Variants in PTPRN2 observed in about 807,000 individuals in gnomAD.
The protein encoded by PTPRN2 is receptor-type tyrosine-protein phosphatase N2.
In PTPRN2, 74 loss-of-function variants were observed where a neutral mutation model predicts 118.8. The observed-to-expected ratio is 0.62, with a 90% confidence interval of 0.52 to 0.76. The LOEUF is 0.76. Among genes scored for constraint, PTPRN2 ranks in the 30% least tolerant of loss-of-function variants. The pLI is 0.00. For missense variants in PTPRN2, 1,481 were observed against 1,394.4 expected, an observed-to-expected ratio of 1.06 and a Z score of -0.99; for synonymous variants, 641 against 608.0, an observed-to-expected ratio of 1.05 and a Z score of -0.80.
intron 11 of PTPRN2, among the ~76,000 whole-genome samples, chr7:157,907,207 G>A (rs552933429): frequency 5.9e-5 from 9 of 152,326 alleles, no homozygotes; most frequent in African/African-American, 1.7e-4. Context: ...GGGTGAGAAC[G>A]TGGGCTCGGA....
intron 5 of PTPRN2, among the ~76,000 whole-genome samples, chr7:158,186,846 C>G (rs562695671): frequency 3.9e-5 from 6 of 152,368 alleles, no homozygotes; most frequent in Admixed American, 1.3e-4. Flanking sequence ...TCCTAAAGGA[C>G]AGAAACTAAC....
intron 2 of PTPRN2, among the ~76,000 whole-genome samples, chr7:158,354,009 G>A (rs1007174143): frequency 6.6e-6 from 1 of 152,278 alleles, no homozygotes; most frequent in East Asian, 1.9e-4. Context: ...GTGGCCACTC[G>A]CAGCCCCACG....
intron 3 of PTPRN2, among the ~76,000 whole-genome samples, chr7:158,262,908 TCACACTGCACACACATTCA>T (rs1438761222): frequency 8.1e-6 from 1 of 123,610 alleles, no homozygotes; most frequent in Non-Finnish European, 1.7e-5. Flanking sequence ...CTGCAAACAT[TCACACTGCACACACATTCA>T]CACACTGCAC....
chr7:158,572,544 G>C (rs1323254579), intron 1 of PTPRN2, among the ~76,000 whole-genome samples: 2 of 152,136 alleles, frequency 1.3e-5, no homozygotes, highest in African/African-American at 4.8e-5. Context: ...GCATACCAGG[G>C]ACCTCTGCCC....
chr7:158,133,907 G>T lies in PTPRN2; in HGVS notation c.1326C>A (p.Ala442=). 2 of 1,613,906 alleles carry T rather than the reference G, an allele frequency of 1.2e-6. No homozygotes were observed. The highest frequency in any genetic ancestry group is 1.7e-6 in the Non-Finnish European group (2 of 1,180,036). Residue 442 remains alanine (A), a synonymous_variant, in exon 9 of 23, where the codon GCC becomes GCA. Transcript: ENST00000389418. ...ESSLSSEEET[A]GVENVKSQTY... ...TCTGGCTCTTGACGTTCTCCACTCCGGCAGTCTCCTCTTCTGAAGACAGGG... is the reference window on the plus strand; with the variant it reads ...TCTGGCTCTTGACGTTCTCCACTCCTGCAGTCTCCTCTTCTGAAGACAGGG...
intron 14 of PTPRN2, among the ~76,000 whole-genome samples, chr7:157,631,470 G>A (rs566631366): frequency 5.9e-5 from 9 of 152,272 alleles, no homozygotes; most frequent in Non-Finnish European, 1.3e-4. Flanking sequence ...AGGCTGAGGC[G>A]GGCGGATCAC....
intron 12 of PTPRN2, among the ~76,000 whole-genome samples, chr7:157,695,472 A>C (rs966907210): frequency 6.6e-6 from 1 of 152,116 alleles, no homozygotes; most frequent in Admixed American, 6.5e-5. Flanking sequence ...ATAATATAAA[A>C]ATAAAAATAG....
At chr7:158,018,447 C>T (rs1397601303) in intron 11 of PTPRN2, among the ~76,000 whole-genome samples, 1 of 152,208 alleles carries the variant, frequency 6.6e-6, no homozygotes, top group Non-Finnish European at 1.5e-5. Flanking sequence ...GAAGCTGGAT[C>T]TGCCTGGAAA....
At chr7:157,728,763 T>A (rs1799735039) in intron 12 of PTPRN2, among the ~76,000 whole-genome samples, 1 of 152,242 alleles carries the variant, frequency 6.6e-6, no homozygotes. Flanking sequence ...TTTACCTGCT[T>A]CTTATATGAG....
At chr7:158,556,156 G>C (rs1329364876) in intron 1 of PTPRN2, among the ~76,000 whole-genome samples, 1 of 152,234 alleles carries the variant, frequency 6.6e-6, no homozygotes, top group Admixed American at 6.5e-5. Context: ...ATAGAGGATA[G>C]ATATAGATGG....
chr7:158,018,908 C>T (rs532124735), intron 11 of PTPRN2, among the ~76,000 whole-genome samples: 9 of 140,282 alleles, frequency 6.4e-5, no homozygotes, highest in South Asian at 2.2e-4. Flanking sequence ...TGCAGTGAGC[C>T]GAGATCATGC....
intron 3 of PTPRN2, among the ~76,000 whole-genome samples, chr7:158,250,516 T>G (rs565869306): frequency 1.3e-5 from 2 of 152,146 alleles, no homozygotes; most frequent in East Asian, 1.9e-4. Flanking sequence ...TCTGCATACA[T>G]GTACACACCC....
At chr7:157,673,307 C>T (rs931877251) in intron 13 of PTPRN2, among the ~76,000 whole-genome samples, 5 of 152,172 alleles carry the variant, frequency 3.3e-5, no homozygotes, top group Admixed American at 3.3e-4. Flanking sequence ...TACAGGTGAG[C>T]CCCTGTGCCA....
intron 2 of PTPRN2, among the ~76,000 whole-genome samples, chr7:158,383,250 CA>C (rs1469280527): frequency 6.6e-6 from 1 of 152,012 alleles, no homozygotes; most frequent in African/African-American, 2.4e-5. Context: ...GTAACTCATT[CA>C]AAAAAAGTGA....
intron 11 of PTPRN2, among the ~76,000 whole-genome samples, chr7:158,021,970 T>C (rs947552508): frequency 3.9e-5 from 6 of 152,104 alleles, no homozygotes; most frequent in African/African-American, 1.4e-4. Context: ...GGCAGAGAAA[T>C]GGCTGCTGCT....
At chr7:158,102,446 G>C (rs1815306174) in intron 10 of PTPRN2, among the ~76,000 whole-genome samples, 1 of 152,162 alleles carries the variant, frequency 6.6e-6, no homozygotes, top group South Asian at 2.1e-4. Flanking sequence ...TGCTCATGGA[G>C]GCACCTCTCA....
chr7:157,742,196 C>G (rs1375920353), intron 12 of PTPRN2, among the ~76,000 whole-genome samples: 2 of 152,156 alleles, frequency 1.3e-5, no homozygotes, highest in African/African-American at 4.8e-5. Flanking sequence ...CCAAAGTTAT[C>G]GAGGGCTTTT....
intron 12 of PTPRN2, among the ~76,000 whole-genome samples, chr7:157,772,336 CACAG>C (rs773088021): frequency 6.3e-4 from 94 of 149,306 alleles, no homozygotes; most frequent in Non-Finnish European, 1.1e-3. Context: ...CACACATACA[CACAG>C]ACATACACAC....
intron 1 of PTPRN2, among the ~76,000 whole-genome samples, chr7:158,528,681 C>T (rs1010798760): frequency 6.6e-6 from 1 of 151,512 alleles, no homozygotes; most frequent in African/African-American, 2.4e-5. Flanking sequence ...GTACTTCCAG[C>T]TACTCGGGAG....
Sources: gnomAD v4.1 joint callset for allele counts (sites outside exome capture counted in the v4.1 genomes callset) on GRCh38, gnomAD v4.1.1 for gene constraint, MANE v1.5 for transcripts, NCBI Gene and HGNC (gene_info 2026-07-23, HGNC 2026-07-21) for gene names.